Variants in FOXN3 observed in about 807,000 individuals in gnomAD.
FOXN3 encodes the protein forkhead box N3, also known as forkhead box protein N3.
FOXN3 carries 7 observed loss-of-function variants against 38.4 expected under a neutral mutation model. That is an observed-to-expected ratio of 0.18 (90% CI 0.10 to 0.34). FOXN3 has a LOEUF of 0.34. FOXN3 is among the 10% of genes least tolerant of loss of function. The pLI is 1.00. For missense variants in FOXN3, 456 were observed against 613.4 expected (o/e 0.74, Z 2.71); for synonymous variants, 230 against 242.2 (o/e 0.95, Z 0.47).
In FOXN3 at chr14:89,485,168, C is replaced by G. The variant is rs932233013; in HGVS notation, c.-14-72678G>C. ...CTCTCTCAAAAAAAAAAAAAAAGAC[C>G]CAGGGCAGTGAAAGCCACCACTGCT... On this transcript the variant is annotated intron_variant, in intron 1 of 6. Transcript: ENST00000345097. Among the ~76,000 whole-genome samples the G allele has an allele frequency of 9.3e-5, 13 of 139,618 alleles. 1 individual carries two copies. The highest frequency in any genetic ancestry group is 3.4e-4 in the African/African-American group (13 of 38,778). The allele number at this position is 139,618 out of a possible 152,430, so 91.6% of individuals were successfully genotyped here.
chr14:89,570,921 A>C (rs1387648331), intron 1 of FOXN3, among the ~76,000 whole-genome samples: 2 of 152,174 alleles, frequency 1.3e-5, no homozygotes, highest in African/African-American at 4.8e-5. Context: ...CACTGTCAGC[A>C]AATAAAAGTA....
intron 1 of FOXN3, among the ~76,000 whole-genome samples, chr14:89,541,550 C>G (rs145933221): frequency 1.9e-4 from 29 of 152,244 alleles, no homozygotes; most frequent in African/African-American, 6.7e-4. Flanking sequence ...CATGAATAAT[C>G]CCCCCCTTGT....
chr14:89,239,370 T>C (rs996279380), intron 4 of FOXN3, among the ~76,000 whole-genome samples: 1 of 152,208 alleles, frequency 6.6e-6, no homozygotes, highest in African/African-American at 2.4e-5. Context: ...CTCAGATTTC[T>C]TGGAGGGGGG....
upstream of FOXN3, among the ~76,000 whole-genome samples, chr14:89,420,780 T>C (rs1596265738): frequency 6.6e-6 from 1 of 151,680 alleles, no homozygotes; most frequent in East Asian, 1.9e-4. Flanking sequence ...ATCACCAAAC[T>C]CCTTGAATAG....
At chr14:89,377,324 T>TAAAC (rs1849624651) in intron 2 of FOXN3, among the ~76,000 whole-genome samples, 1 of 150,402 alleles carries the variant, frequency 6.6e-6, no homozygotes, top group African/African-American at 2.5e-5. Flanking sequence ...AATAAATAAA[T>TAAAC]AAATAAATAA....
chr14:89,493,200 T>G (rs1027507253), intron 1 of FOXN3, among the ~76,000 whole-genome samples: 6 of 152,154 alleles, frequency 3.9e-5, no homozygotes, highest in African/African-American at 1.4e-4. Context: ...ACACGAATAA[T>G]AAAACTATGA....
Position 89,546,329 on chromosome 14 carries a change from C to CTT in FOXN3, c.-15+72697_-15+72698dup, listed in dbSNP as rs1157998619. 2.6e-4 allele frequency among the ~76,000 whole-genome samples: 20 copies of CTT among 78,330 alleles called. 1 individual carries two copies. Among genetic ancestry groups the CTT allele is most frequent in the Non-Finnish European group, 4.1e-4 (18 of 44,114 alleles). 51.4% of individuals were successfully genotyped at this position (78,330 alleles called of 152,430 possible). On this transcript the variant is annotated intron_variant, in intron 1 of 6. Coordinates refer to the FOXN3 transcript ENST00000345097. Reference sequence around the variant, plus strand: ...TAGCTTCTTTTCTTTTTTCCTTTTTCTTTTTTTTTTTTTTTTTTTGAGATG... The same window carrying CTT: ...TAGCTTCTTTTCTTTTTTCCTTTTTCTTTTTTTTTTTTTTTTTTTTTGAGATG...
intron 3 of FOXN3, among the ~76,000 whole-genome samples, chr14:89,345,033 T>C (rs1254319247): frequency 1.3e-5 from 2 of 152,036 alleles, no homozygotes; most frequent in Non-Finnish European, 2.9e-5. Context: ...TTGGCAAAGG[T>C]GTAGATTCCC....
At chr14:89,536,522 C>A (rs1009631222) in intron 1 of FOXN3, among the ~76,000 whole-genome samples, 3 of 152,192 alleles carry the variant, frequency 2.0e-5, no homozygotes, top group African/African-American at 7.2e-5. Context: ...TGGCTCACGC[C>A]TATAATCCCA....
Position 89,324,400 on chromosome 14 carries a change from C to G in FOXN3, c.680+26272G>C, listed in dbSNP as rs369721285. Among the ~76,000 whole-genome samples, 3 of 151,932 alleles carry G rather than the reference C, an allele frequency of 2.0e-5. No homozygotes were observed. The East Asian group carries it at 5.8e-4, about 29-fold the overall frequency. The stretch of plus-strand genomic sequence containing the variant: ...GTGCTGGGAAGCATTAAGAGAACCA[C>G]AGCCTAAACATACTGATTTGGTTTG... On this transcript the variant is annotated intron_variant, in intron 3 of 5. Transcript: ENST00000557258.
At chr14:89,348,882 C>T (rs896183004) in intron 3 of FOXN3, among the ~76,000 whole-genome samples, 11 of 152,126 alleles carry the variant, frequency 7.2e-5, no homozygotes, top group South Asian at 2.1e-4. Context: ...TATAATCCTT[C>T]GAATTATTAA....
At chr14:89,219,995 A>G (rs1053862771) in intron 4 of FOXN3, among the ~76,000 whole-genome samples, 1 of 152,226 alleles carries the variant, frequency 6.6e-6, no homozygotes, top group Non-Finnish European at 1.5e-5. Flanking sequence ...TTTTAAAATT[A>G]TAATGATGTA....
At chr14:89,481,652 GAAT>G (rs1893333034) in intron 1 of FOXN3, among the ~76,000 whole-genome samples, 1 of 152,156 alleles carries the variant, frequency 6.6e-6, no homozygotes. Flanking sequence ...CTGTGTGACT[GAAT>G]AATTCAAACC....
At chr14:89,224,646 A>G (rs1248228328) in intron 4 of FOXN3, among the ~76,000 whole-genome samples, 2 of 152,356 alleles carry the variant, frequency 1.3e-5, no homozygotes, top group Admixed American at 1.3e-4. Flanking sequence ...AATATGTGCT[A>G]CATGAATAAC....
intron 4 of FOXN3, among the ~76,000 whole-genome samples, chr14:89,226,733 C>T (rs183590694): frequency 8.5e-5 from 13 of 152,256 alleles, no homozygotes; most frequent in African/African-American, 3.1e-4. Context: ...TTAAGATGGT[C>T]ATACTCAAGT....
At chr14:89,397,051 T>G (rs866938847) in intron 2 of FOXN3, among the ~76,000 whole-genome samples, 1 of 152,092 alleles carries the variant, frequency 6.6e-6, no homozygotes, top group South Asian at 2.1e-4. Flanking sequence ...GTCCCATTAA[T>G]GACAGATTGC....
intron 5 of FOXN3, among the ~76,000 whole-genome samples, chr14:89,174,040 G>A (rs763373876): frequency 2.0e-4 from 30 of 152,174 alleles, no homozygotes; most frequent in Middle Eastern, 3.4e-3. Flanking sequence ...TCCCCAAACT[G>A]TAAAGATGAA....
intron 2 of FOXN3, among the ~76,000 whole-genome samples, chr14:89,367,038 A>G (rs1890180236): frequency 6.6e-6 from 1 of 152,218 alleles, no homozygotes; most frequent in African/African-American, 2.4e-5. Flanking sequence ...AGCTTCAGTT[A>G]TGATTTTTTT....
At chr14:89,406,702 A>G (rs998568476) in intron 2 of FOXN3, among the ~76,000 whole-genome samples, 10 of 152,176 alleles carry the variant, frequency 6.6e-5, no homozygotes, top group African/African-American at 2.4e-4. Flanking sequence ...TATAATAAAC[A>G]TACTTTTGTA....
Sources: gnomAD v4.1 joint callset for allele counts (sites outside exome capture counted in the v4.1 genomes callset) on GRCh38, gnomAD v4.1.1 for gene constraint, MANE v1.5 for transcripts, NCBI Gene and HGNC (gene_info 2026-07-23, HGNC 2026-07-21) for gene names.